Variants in USP50 observed in about 807,000 individuals in gnomAD.
USP50 encodes the protein ubiquitin specific peptidase 50, also known as ubiquitin carboxyl-terminal hydrolase 50.
Under a neutral mutation model 39.2 loss-of-function variants are expected in USP50, and 37 were observed. That is an observed-to-expected ratio of 0.94 (90% CI 0.73 to 1.24). USP50 has a LOEUF of 1.24. Among genes scored for constraint, USP50 ranks in the 50% most tolerant of loss-of-function variants. USP50 has a pLI of 0.00. For synonymous variants in USP50, 139 were observed against 144.5 expected, an observed-to-expected ratio of 0.96 and a Z score of 0.27; for missense variants, 374 against 398.2, an observed-to-expected ratio of 0.94 and a Z score of 0.52.
chr15:50,508,414 C>T (rs950816112), intron 6 of USP50: 1 of 151,944 alleles, frequency 6.6e-6, no homozygotes, highest in African/African-American at 2.4e-5. Context: ...GGATGCATGG[C>T]GGTTTGTTAT....
downstream of USP50, chr15:50,498,860 A>G (rs1334104651): frequency 7.0e-6 from 11 of 1,562,368 alleles, no homozygotes; most frequent in Non-Finnish European, 8.7e-6. Context: ...TTAAATAACA[A>G]TTTTAACTGA....
At chr15:50,494,329 A>C in intron 1 of USP50, 1 of 1,487,244 alleles carries the variant, frequency 6.7e-7, no homozygotes. Flanking sequence ...AGGGTTGCTC[A>C]GTAGCACTGT....
Position 50,500,672 on chromosome 15 carries a change from G to C in USP50, c.*97C>G, listed in dbSNP as rs1001737167. On this transcript the variant is annotated 3_prime_UTR_variant, in exon 7 of 7. Transcript: ENST00000532404. ...CCTGGCTCTTAACGCTTTTGTATTG[G>C]TATGGAAAAGGGCTGGCAGCTATAG... The C allele has an allele frequency of 3.4e-6, 4 of 1,193,074 alleles. No individual in the cohort carries two copies. In the African/African-American group the frequency reaches 6.1e-5, roughly 18 times the overall value. 73.9% of individuals were successfully genotyped at this position (1,193,074 alleles called of 1,614,324 possible). A position where few individuals can be genotyped will look rare whatever the true frequency, so the allele number is the denominator to read the frequency against.
chr15:50,512,876 C>T (rs1205414153), intron 6 of USP50: 1 of 152,100 alleles, frequency 6.6e-6, no homozygotes, highest in Non-Finnish European at 1.5e-5. Flanking sequence ...TCTCTAAGAA[C>T]TTCTTTTTAT....
Position 50,529,785 on chromosome 15 carries a change from G to A in USP50, c.936+12C>T. On this transcript the variant is annotated intron_variant, in intron 6 of 6. Coordinates refer to ENST00000532404, the MANE Select transcript of USP50 (RefSeq NM_203494.5). ...AAAATTGGATTACTTTTAACAGTTT[G>A]TTTTTACTCACCACCACTGCACAGA... 1.2e-6 allele frequency: 2 copies of A among 1,608,264 alleles called. No homozygotes were observed. The highest frequency in any genetic ancestry group is 1.7e-6 in the Non-Finnish European group (2 of 1,178,342).
intron 6 of USP50, among the ~76,000 whole-genome samples, chr15:50,519,453 G>T (rs763168173): frequency 6.6e-6 from 1 of 150,614 alleles, no homozygotes; most frequent in Non-Finnish European, 1.5e-5. Flanking sequence ...GGTGGCTCAC[G>T]CCTGTAATCC....
intron 4 of USP50, 57 bp from the exon 5 acceptor site, chr15:50,538,908 T>G (rs1566911407): frequency 6.5e-7 from 1 of 1,528,720 alleles, no homozygotes; most frequent in Non-Finnish European, 8.8e-7. Flanking sequence ...ACCTGCACTC[T>G]CTGTTTCTAT....
intron 1 of USP50, chr15:50,494,238 G>T: frequency 1.2e-6 from 2 of 1,612,490 alleles, no homozygotes; most frequent in Non-Finnish European, 1.7e-6. Context: ...CACAAGAATT[G>T]CTTCTGTTCC....
chr15:50,531,870 C>T (rs2052942921), intron 5 of USP50: 2 of 234,870 alleles, frequency 8.5e-6, no homozygotes, highest in Admixed American at 9.5e-5. Context: ...GGTTATTTTC[C>T]TTCCCTCAGG....
In USP50 at chr15:50,546,653, A is replaced by C; in HGVS notation, c.-128T>G. The C allele has an allele frequency of 1.0e-6, 1 of 968,884 alleles. No homozygotes were observed. The highest frequency in any genetic ancestry group is 1.5e-5 in the South Asian group (1 of 68,618). The allele number at this position is 968,884 out of a possible 1,614,324, so 60.0% of individuals were successfully genotyped here. ...CAATTGATATGCTCCTCTCTCTTCC[A>C]GTAGCTGCGAACTGATTTTCACCTG... On this transcript the variant is annotated 5_prime_UTR_variant, in exon 1 of 7. Coordinates refer to ENST00000532404, the MANE Select transcript of USP50 (RefSeq NM_203494.5).
At chr15:50,539,740 A>T (rs1402465318) in intron 4 of USP50, among the ~76,000 whole-genome samples, 1 of 152,182 alleles carries the variant, frequency 6.6e-6, no homozygotes, top group East Asian at 1.9e-4. Context: ...CAGTGAAATC[A>T]GGCAGCTGCT....
At chr15:50,493,675 G>T, downstream of USP50, 1 of 371,722 alleles carries the variant, frequency 2.7e-6, no homozygotes, top group Non-Finnish European at 5.2e-6. Flanking sequence ...AGCCCAGAAG[G>T]TCAAGGCTGC....
chr15:50,545,667 G>A (rs2053065677), intron 1 of USP50, among the ~76,000 whole-genome samples: 1 of 151,668 alleles, frequency 6.6e-6, no homozygotes, highest in Non-Finnish European at 1.5e-5. Context: ...ATGTGTATAT[G>A]TGTATGTATA....
intron 5 of USP50, 53 bp downstream of exon 5, chr15:50,538,656 T>C: frequency 6.8e-7 from 1 of 1,470,294 alleles, no homozygotes; most frequent in Non-Finnish European, 9.0e-7. Flanking sequence ...GTGAATTTTA[T>C]CTCTATAAGG....
intron 6 of USP50, among the ~76,000 whole-genome samples, chr15:50,515,779 TAA>T (rs2052798397): frequency 6.6e-6 from 1 of 152,072 alleles, no homozygotes; most frequent in Non-Finnish European, 1.5e-5. Flanking sequence ...TCTTGTCTGG[TAA>T]AACATACATA....
At chr15:50,496,946 C>T, downstream of USP50, 1 of 1,056,714 alleles carries the variant, frequency 9.5e-7, no homozygotes. Context: ...CACTAGATCA[C>T]AAGCTTTGGG....
chr15:50,506,786 C>T (rs2052665948), intron 6 of USP50: 1 of 151,496 alleles, frequency 6.6e-6, no homozygotes, highest in African/African-American at 2.4e-5. Flanking sequence ...GGTGAAACCT[C>T]ATCTCTACAA....
At chr15:50,522,406 C>G (rs2052857550) in intron 6 of USP50, among the ~76,000 whole-genome samples, 1 of 152,118 alleles carries the variant, frequency 6.6e-6, no homozygotes, top group African/African-American at 2.4e-5. Context: ...AATAAAGTCT[C>G]CCATCAAAGA....
downstream of USP50, chr15:50,500,281 C>T (rs182762957): frequency 6.5e-6 from 1 of 153,594 alleles, no homozygotes; most frequent in African/African-American, 2.4e-5. Flanking sequence ...CTCATCGAGC[C>T]ATTTGAACAA....
Sources: gnomAD v4.1 joint callset for allele counts (sites outside exome capture counted in the v4.1 genomes callset) on GRCh38, gnomAD v4.1.1 for gene constraint, MANE v1.5 for transcripts, NCBI Gene and HGNC (gene_info 2026-07-23, HGNC 2026-07-21) for gene names.